The following PATJ variants were observed in gnomAD, a reference collection of about 807,000 sequenced individuals.
The protein encoded by PATJ is PATJ crumbs cell polarity complex component.
PATJ carries 190 observed loss-of-function variants against 224.9 expected under a neutral mutation model. That is an observed-to-expected ratio of 0.84 (90% CI 0.75 to 0.95). The LOEUF (loss-of-function observed/expected upper bound fraction) is 0.95. Ranked by LOEUF, PATJ falls within the 40% of genes least tolerant of loss-of-function variation. The pLI, the probability that PATJ is intolerant of heterozygous loss-of-function variation, is 0.00. For synonymous variants in PATJ, 769 were observed against 820.3 expected (o/e 0.94, Z 1.07); for missense variants, 2,121 against 2,270.3 (o/e 0.93, Z 1.34).
chr1:61,904,455 A>C (rs1671600786), intron 24 of PATJ, among the ~76,000 whole-genome samples: 2 of 152,204 alleles, frequency 1.3e-5, no homozygotes, highest in South Asian at 4.1e-4. Context: ...CCAGTTATTC[A>C]TGCATTGATT....
At chr1:62,150,679 G>GAAAAAAAAAAAAAAAA (rs56167585) in intron 42 of PATJ, among the ~76,000 whole-genome samples, 1 of 82,008 alleles carries the variant, frequency 1.2e-5, no homozygotes, top group Non-Finnish European at 2.2e-5. Flanking sequence ...CCTGTCTCAA[G>GAAAAAAAAAAAAAAAA]AAAAAAAAAA....
At chr1:61,902,679 C>T (rs1341773975) in intron 24 of PATJ, among the ~76,000 whole-genome samples, 1 of 152,100 alleles carries the variant, frequency 6.6e-6, no homozygotes, top group Non-Finnish European at 1.5e-5. Context: ...AAATGACCAA[C>T]AGTCCCTTCC....
intron 1 of PATJ, among the ~76,000 whole-genome samples, chr1:61,755,600 G>T (rs1030769247): frequency 6.6e-6 from 1 of 151,986 alleles, no homozygotes; most frequent in African/African-American, 2.4e-5. Flanking sequence ...ATTATTTCCT[G>T]TTGCTAACAG....
chr1:61,772,292 G>T (rs1646665764), intron 6 of PATJ, among the ~76,000 whole-genome samples: 1 of 151,860 alleles, frequency 6.6e-6, no homozygotes, highest in Non-Finnish European at 1.5e-5. Flanking sequence ...TTTAAAGTAA[G>T]GTTTGATTAT....
At chr1:61,981,824 A>G (rs1291381789) in intron 27 of PATJ, among the ~76,000 whole-genome samples, 1 of 152,042 alleles carries the variant, frequency 6.6e-6, no homozygotes, top group Non-Finnish European at 1.5e-5. Context: ...GGCATGTGCC[A>G]CCACATCCAG....
chr1:61,946,864 C>A (rs1172766143), intron 27 of PATJ, among the ~76,000 whole-genome samples: 1 of 152,158 alleles, frequency 6.6e-6, no homozygotes, highest in Admixed American at 6.5e-5. Flanking sequence ...AAAAGCTTAT[C>A]CACCACAATC....
At chr1:62,005,592 T>A (rs960504914) in intron 28 of PATJ, among the ~76,000 whole-genome samples, 1 of 151,992 alleles carries the variant, frequency 6.6e-6, no homozygotes, top group Non-Finnish European at 1.5e-5. Flanking sequence ...AGCAAGACCT[T>A]GTCTCTACCA....
Position 61,920,241 on chromosome 1 carries a change from C to T in PATJ, c.3570+5577C>T, listed in dbSNP as rs78935445. 3.4e-3 allele frequency among the ~76,000 whole-genome samples: 511 copies of T among 152,218 alleles called. 5 individuals are homozygous for T. Among genetic ancestry groups the T allele is most frequent in the Middle Eastern group, 6.8e-3 (2 of 294 alleles). On this transcript the variant is annotated intron_variant, in intron 26 of 43. Transcript: ENST00000642238. Reference sequence around the variant, plus strand: ...TAAACATCTGTTTCACCCACTGATACGGTTTGGCAGTCTCCCCACCCAAAT... The same window carrying T: ...TAAACATCTGTTTCACCCACTGATATGGTTTGGCAGTCTCCCCACCCAAAT...
intron 20 of PATJ, among the ~76,000 whole-genome samples, chr1:61,866,216 TC>T (rs1665401672): frequency 3.9e-5 from 6 of 152,334 alleles, no homozygotes; most frequent in Admixed American, 3.3e-4. Context: ...TCATAAAAAT[TC>T]CCTTGTTCTG....
intron 28 of PATJ, among the ~76,000 whole-genome samples, chr1:62,014,043 G>A (rs906273946): frequency 6.6e-6 from 1 of 152,214 alleles, no homozygotes; most frequent in Non-Finnish European, 1.5e-5. Flanking sequence ...CAAAGTACTG[G>A]GATTACAGGC....
At chr1:61,980,846 T>A (rs960912569) in intron 27 of PATJ, among the ~76,000 whole-genome samples, 1 of 152,060 alleles carries the variant, frequency 6.6e-6, no homozygotes, top group Non-Finnish European at 1.5e-5. Context: ...AAGTTTTGAA[T>A]TAAAAACTAA....
chr1:61,863,700 G>T (rs899817442), intron 19 of PATJ, among the ~76,000 whole-genome samples: 4 of 152,216 alleles, frequency 2.6e-5, no homozygotes, highest in African/African-American at 9.6e-5. Flanking sequence ...TGAAAAATAA[G>T]ATTTGTTATT....
At chr1:61,838,957 T>C (rs571022104) in intron 17 of PATJ, among the ~76,000 whole-genome samples, 1 of 152,296 alleles carries the variant, frequency 6.6e-6, no homozygotes, top group Admixed American at 6.5e-5. Flanking sequence ...TTAGGCTATG[T>C]ATTCCTCACA....
intron 29 of PATJ, among the ~76,000 whole-genome samples, chr1:62,020,708 T>C (rs1558050995): frequency 6.6e-6 from 1 of 152,234 alleles, no homozygotes; most frequent in East Asian, 1.9e-4. Context: ...CTGGAAGTGA[T>C]TTTAAGCAAT....
intron 27 of PATJ, among the ~76,000 whole-genome samples, chr1:61,958,813 T>C (rs1256206662): frequency 6.6e-6 from 1 of 152,230 alleles, no homozygotes; most frequent in African/African-American, 2.4e-5. Context: ...AGCCTCACTT[T>C]CTTAATCTGT....
chr1:61,830,791 T>C (rs942113284), intron 16 of PATJ, among the ~76,000 whole-genome samples: 2 of 152,204 alleles, frequency 1.3e-5, no homozygotes, highest in African/African-American at 4.8e-5. Context: ...ATGGACTTCT[T>C]ATTTGGAAAA....
chr1:61,899,654 T>TCCACCGA lies in PATJ; in HGVS notation c.3203_3203+1insCCACCGA (p.Val1069HisfsTer4). 1 of 1,599,704 alleles carries TCCACCGA rather than the reference T, an allele frequency of 6.3e-7. No individual in the cohort carries two copies. The highest frequency in any genetic ancestry group is 8.5e-7 in the Non-Finnish European group (1 of 1,172,522). ...TTTAGCCACTGGGGTCCACCGAGAATGTATGTGGATGACATTATTGTGGCT... is the reference window on the plus strand; with the variant it reads ...TTTAGCCACTGGGGTCCACCGAGAATCCACCGAGTATGTGGATGACATTATTGTGGCT... On this transcript the variant is annotated frameshift_variant and splice_region_variant. Transcript: ENST00000642238. LOFTEE classifies it high-confidence loss of function.
Position 62,061,177 on chromosome 1 carries a change from C to T in PATJ, c.4125+10119C>T, listed in dbSNP as rs544069517. On this transcript the variant is annotated intron_variant, in intron 31 of 43. Transcript: ENST00000642238. ...TGTAGTCCCCAGTGTCTATTTTTCCCATCTTTTTTTGTTTTTTTATTAAGA... is the reference window on the plus strand; with the variant it reads ...TGTAGTCCCCAGTGTCTATTTTTCCTATCTTTTTTTGTTTTTTTATTAAGA... Among the ~76,000 whole-genome samples the T allele has an allele frequency of 4.6e-5, 7 of 151,958 alleles. No individual in the cohort carries two copies. In the South Asian group the frequency reaches 1.5e-3, roughly 32 times the overall value.
intron 31 of PATJ, among the ~76,000 whole-genome samples, chr1:62,058,374 A>T (rs779726849): frequency 2.6e-4 from 39 of 152,192 alleles, no homozygotes; most frequent in Non-Finnish European, 4.6e-4. Context: ...TGATCCTTAT[A>T]AAAAAATTAA....
Sources: gnomAD v4.1 joint callset for allele counts (sites outside exome capture counted in the v4.1 genomes callset) on GRCh38, gnomAD v4.1.1 for gene constraint, MANE v1.5 for transcripts, NCBI Gene and HGNC (gene_info 2026-07-23, HGNC 2026-07-21) for gene names.